CDK2AP1: variants seen among roughly 807,000 people sequenced by gnomAD.
CDK2AP1 encodes cyclin-dependent kinase 2-associated protein 1.
Under a neutral mutation model 14.1 loss-of-function variants are expected in CDK2AP1, and 10 were observed. The ratio of observed to expected loss-of-function variants is 0.71; its 90% CI spans 0.44 to 1.20. The LOEUF (loss-of-function observed/expected upper bound fraction) is 1.20. Among genes scored for constraint, CDK2AP1 ranks in the 50% most tolerant of loss-of-function variants. CDK2AP1 has a pLI of 0.00. For synonymous variants in CDK2AP1, 59 were observed against 59.8 expected (o/e 0.99, Z 0.06); for missense variants, 102 against 149.9 (o/e 0.68, Z 1.67).
chr12:123,265,302 C>A lies in CDK2AP1; in HGVS notation c.174G>T (p.Val58=). 6.2e-7 allele frequency: 1 copy of A among 1,614,126 alleles called. No homozygotes were observed. The highest frequency in any genetic ancestry group is 8.5e-7 in the Non-Finnish European group (1 of 1,180,020). The part of the protein sequence containing the change: ...GYTQGTGNSQ[V]PQSKYAELLA... ...GCAGCTCCGCGTATTTGCTTTGGGGCACCTGGCTGTTCCCAGTTCCCTAGA... is the reference window on the plus strand; with the variant it reads ...GCAGCTCCGCGTATTTGCTTTGGGGAACCTGGCTGTTCCCAGTTCCCTAGA... Residue 58 remains valine (V), a synonymous_variant, in exon 3 of 4, where the codon GTG becomes GTT. Transcript: ENST00000261692. This position sits in a 1 kb window ranked among gnomAD's most constrained non-coding sequence, Gnocchi z 5.3.
rs1463324847 is a variant in CDK2AP1, at chr12:123,265,294, C to T, written c.182G>A (p.Ser61Asn). 1 of 1,614,008 alleles carries T rather than the reference C, an allele frequency of 6.2e-7. No individual in the cohort carries two copies. The highest frequency in any genetic ancestry group is 8.5e-7 in the Non-Finnish European group (1 of 1,180,022). ...GATGGCCAGCAGCTCCGCGTATTTG[C>T]TTTGGGGCACCTGGCTGTTCCCAGT... ...QGTGNSQVPQ[S>N]KYAELLAIIE... The change falls in exon 3 of 4, where the codon AGC becomes AAC. Residue 61 changes from serine to asparagine, a missense_variant. This residue lies in a region of CDK2AP1 where 52 missense variants were observed against 107.2 expected (regional missense o/e 0.48). Transcript: ENST00000261692. This position sits in a 1 kb window ranked among gnomAD's most constrained non-coding sequence, Gnocchi z 5.3.
At position 123,265,112 on chromosome 12, in the gene CDK2AP1, C is replaced by G; in HGVS notation, c.280+84G>C. 6.4e-7 allele frequency: 1 copy of G among 1,574,104 alleles called. No homozygotes were observed. The highest frequency in any genetic ancestry group is 1.1e-5 in the South Asian group (1 of 89,608). On this transcript the variant is annotated intron_variant, in intron 3 of 3. Coordinates refer to ENST00000261692, the MANE Select transcript of CDK2AP1 (RefSeq NM_004642.4). This position sits in a 1 kb window ranked among gnomAD's most constrained non-coding sequence, Gnocchi z 5.3. ...ATGAGTGAGCCTCATCCCTAGCCCA[C>G]CTTCCCACATTTTCCCCAAAAGTCT...
chr12:123,268,485 C>T (rs944676670), intron 1 of CDK2AP1, among the ~76,000 whole-genome samples: 23 of 152,380 alleles, frequency 1.5e-4, no homozygotes, highest in Admixed American at 9.8e-4. Context: ...CCAGCTACCC[C>T]GGCACCTGCC....
Position 123,265,432 on chromosome 12 carries a change from G to A in CDK2AP1, c.154-110C>T. ...GCAGGAGAACTGCTTGGACCCAGGA[G>A]GTGGAAGTTGCAGTGAGCCAAGATC... On this transcript the variant is annotated intron_variant, in intron 2 of 3. Coordinates refer to ENST00000261692, the MANE Select transcript of CDK2AP1 (RefSeq NM_004642.4). This position sits in a 1 kb window ranked among gnomAD's most constrained non-coding sequence, Gnocchi z 5.3. 2.8e-6 allele frequency: 3 copies of A among 1,053,490 alleles called. No individual in the cohort carries two copies. Among genetic ancestry groups the A allele is most frequent in the Non-Finnish European group, 4.3e-6 (3 of 699,142 alleles). The allele number at this position is 1,053,490 out of a possible 1,614,324, so 65.3% of individuals were successfully genotyped here.
In CDK2AP1 at chr12:123,261,514, A is replaced by G. The variant is rs2048232444; in HGVS notation, c.*222T>C. On this transcript the variant is annotated 3_prime_UTR_variant, in exon 4 of 4. Coordinates refer to ENST00000261692, the MANE Select transcript of CDK2AP1 (RefSeq NM_004642.4). ...CTTTTAAATCAATGCTTAAAAAACA[A>G]AAAAAACCTGGGCAGTTCCTAACTA... The G allele has an allele frequency of 2.1e-6, 1 of 473,502 alleles. No individual in the cohort carries two copies. 29.3% of individuals were successfully genotyped at this position (473,502 alleles called of 1,614,324 possible). A position where few individuals can be genotyped will look rare whatever the true frequency, so the allele number is the denominator to read the frequency against.
At chr12:123,270,729 C>T (rs2048346388) in intron 1 of CDK2AP1, among the ~76,000 whole-genome samples, 1 of 152,066 alleles carries the variant, frequency 6.6e-6, no homozygotes, top group Admixed American at 6.5e-5. Context: ...CCCCAGGAAG[C>T]TTGAGGGGAG....
intron 1 of CDK2AP1, chr12:123,269,237 G>A (rs1053887046): frequency 2.0e-5 from 3 of 152,388 alleles, no homozygotes; most frequent in Non-Finnish European, 4.4e-5. Flanking sequence ...TGCTTCCCAA[G>A]AGAAGGTCTA....
chr12:123,271,620 C>T lies in CDK2AP1; in HGVS notation c.-2G>A. The T allele has an allele frequency of 7.0e-6, 7 of 993,722 alleles. No individual in the cohort carries two copies. The highest frequency in any genetic ancestry group is 8.4e-6 in the Non-Finnish European group (7 of 836,254). 61.6% of individuals were successfully genotyped at this position (993,722 alleles called of 1,614,324 possible). ...GGCCAAGTTCGGTTTGTAAGACATC[C>T]CCCCGGGCGGCGGGCGCGCCGGGCG... On this transcript the variant is annotated 5_prime_UTR_variant, in exon 1 of 4. Transcript: ENST00000261692.
At position 123,271,709 on chromosome 12, in the gene CDK2AP1, C is replaced by T. The variant is rs1337474630; in HGVS notation, c.-91G>A. On this transcript the variant is annotated 5_prime_UTR_variant, in exon 1 of 4. Transcript: ENST00000261692. ...GAGGCCGGGCGGTAGCGCTGCAGCC[C>T]CGCGCCCGTCCGAGCGCCCGCCGAG... The T allele has an allele frequency of 2.7e-5, 10 of 375,814 alleles. No individual in the cohort carries two copies. Among genetic ancestry groups the T allele is most frequent in the Middle Eastern group, 2.7e-3 (2 of 736 alleles). 23.3% of individuals were successfully genotyped at this position (375,814 alleles called of 1,614,324 possible).
chr12:123,263,469 G>A (rs192307618), intron 3 of CDK2AP1, among the ~76,000 whole-genome samples: 215 of 152,256 alleles, frequency 1.4e-3, no homozygotes, highest in Non-Finnish European at 2.8e-3. Context: ...CTGGGTGACT[G>A]CAAATTACCT....
Position 123,265,301 on chromosome 12 carries a change from G to A in CDK2AP1, c.175C>T (p.Pro59Ser), listed in dbSNP as rs1440533220. 2 of 1,614,138 alleles carry A rather than the reference G, an allele frequency of 1.2e-6. No homozygotes were observed. Among genetic ancestry groups the A allele is most frequent in the South Asian group, 2.2e-5 (2 of 91,088 alleles). ...YTQGTGNSQV[P>S]QSKYAELLAI... is the part of the protein sequence containing the mutation. ...AGCAGCTCCGCGTATTTGCTTTGGGGCACCTGGCTGTTCCCAGTTCCCTAG... is the reference window on the plus strand; with the variant it reads ...AGCAGCTCCGCGTATTTGCTTTGGGACACCTGGCTGTTCCCAGTTCCCTAG... The change falls in exon 3 of 4, where the codon CCC becomes TCC. Residue 59 changes from proline (P) to serine (S), a missense_variant. This residue lies in a region of CDK2AP1 where 52 missense variants were observed against 107.2 expected (regional missense o/e 0.48). Transcript: ENST00000261692. This position sits in a 1 kb window ranked among gnomAD's most constrained non-coding sequence, Gnocchi z 5.3.
rs1459520204 is a variant in CDK2AP1 at position 123,265,030 on chromosome 12, T to TGG, written c.280+165_280+166insCC. On this transcript the variant is annotated intron_variant, in intron 3 of 3. Transcript: ENST00000261692. The surrounding 1 kb of genome is among the most constrained non-coding windows in gnomAD (Gnocchi z 5.3). ...CCCAGGCCCCTCGCTACCAGACCCA[T>TGG]CGCCTGCCTGAGGCCTCCACCACAG... Among the ~76,000 whole-genome samples the TGG allele has an allele frequency of 6.6e-6, 1 of 152,116 alleles. No individual in the cohort carries two copies. The highest frequency in any genetic ancestry group is 1.9e-4 in the East Asian group (1 of 5,182).
intron 3 of CDK2AP1, chr12:123,262,347 CTTT>C (rs1475771744): frequency 6.6e-6 from 1 of 152,344 alleles, no homozygotes; most frequent in East Asian, 1.9e-4. Flanking sequence ...TGGTGCTTAC[CTTT>C]TTTTTCTTTC....
At chr12:123,262,145 GCTT>G (rs2048238780) in intron 3 of CDK2AP1, 4 of 219,394 alleles carry the variant, frequency 1.8e-5, no homozygotes, top group African/African-American at 9.1e-5. Context: ...TTTTTCTCTG[GCTT>G]CTTCAGTCTG....
chr12:123,264,462 C>CAAAAAAAAAAAAAAAAAAAAA (rs1167157405), intron 3 of CDK2AP1, among the ~76,000 whole-genome samples: 11 of 69,860 alleles, frequency 1.6e-4, no homozygotes, highest in African/African-American at 2.9e-4. Context: ...CTCCGTCTCC[C>CAAAAAAAAAAAAAAAAAAAAA]AAAAAAAAAA....
chr12:123,264,108 C>CA lies in CDK2AP1; in HGVS notation c.280+1087dup, dbSNP rs772806319. 5.6e-3 allele frequency among the ~76,000 whole-genome samples: 636 copies of CA among 114,134 alleles called. 5 individuals are homozygous for CA. The highest frequency in any genetic ancestry group is 0.017 in the African/African-American group (512 of 30,836). 74.9% of individuals were successfully genotyped at this position (114,134 alleles called of 152,430 possible). ...CAGGTGACAGAGCTAGACTCCATCT[C>CA]AAAAAAAAAAAAAAGAATGTTCCTC... On this transcript the variant is annotated intron_variant, in intron 3 of 3. Transcript: ENST00000261692.
intron 1 of CDK2AP1, chr12:123,268,225 TCA>T: frequency 1.2e-5 from 12 of 985,484 alleles, no homozygotes; most frequent in Non-Finnish European, 1.3e-5. Flanking sequence ...GGTCTCTCTC[TCA>T]CACACACAGT....
At chr12:123,268,140 A>T (rs982264281) in intron 1 of CDK2AP1, 1 of 963,186 alleles carries the variant, frequency 1.0e-6, no homozygotes, top group Admixed American at 6.2e-5. Context: ...CTGCAGAATG[A>T]CAAACAGCGG....
rs1286839447 is a variant in CDK2AP1 at position 123,261,783 on chromosome 12, G to A, written c.301C>T (p.Leu101=). The A allele has an allele frequency of 6.2e-7, 1 of 1,613,712 alleles. No individual in the cohort carries two copies. The highest frequency in any genetic ancestry group is 1.7e-5 in the Admixed American group (1 of 60,014). The change falls in exon 4 of 4, where the codon CTG becomes TTG. Residue 101 remains leucine (L), a synonymous_variant. Coordinates refer to ENST00000261692, the MANE Select transcript of CDK2AP1 (RefSeq NM_004642.4). The part of the protein sequence containing the change: ...LKRGIIHARG[L]VRECLAETER... ...GTTTCTGCCAAGCACTCCCGAACCA[G>A]TCCTCTAGCGTGAATGATGCCTGAA...
Sources: allele counts gnomAD v4.1 joint callset (sites outside exome capture counted in the v4.1 genomes callset), GRCh38; gene constraint gnomAD v4.1.1; regional missense constraint gnomAD v4.1.1; non-coding constraint Gnocchi (gnomAD v3.1); transcripts MANE v1.5; gene names NCBI Gene and HGNC (gene_info 2026-07-23, HGNC 2026-07-21).